The following FILIP1L variants were observed in gnomAD, a reference collection of about 807,000 sequenced individuals.
The protein encoded by FILIP1L is filamin A interacting protein 1 like, also known as filamin A-interacting protein 1-like.
FILIP1L carries 55 observed loss-of-function variants against 96.6 expected under a neutral mutation model. The observed-to-expected ratio is 0.57, with a 90% CI of 0.46 to 0.71. The LOEUF is 0.71. Ranked by LOEUF, FILIP1L falls within the 30% of genes least tolerant of loss-of-function variation. The pLI is 0.00. For missense variants in FILIP1L, 1,304 were observed against 1,321.2 expected, an observed-to-expected ratio of 0.99 and a Z score of 0.20; for synonymous variants, 467 against 473.9, an observed-to-expected ratio of 0.99 and a Z score of 0.19.
chr3:99,850,192 G>C lies in FILIP1L; in HGVS notation c.1484C>G (p.Thr495Arg). The change falls in exon 5 of 6, where the codon ACA (threonine) becomes AGA (arginine). Residue 495 changes from threonine to arginine, a missense_variant. Transcript: ENST00000477258. ...TLKEDLTKLK[T>R]LTVMFVDERK... ...TTCATCTACAAACATCACAGTTAAT[G>C]TTTTCAGTTTAGTTAAATCCTCTTT... is the stretch of plus-strand genomic sequence containing the variant. 1 of 1,612,234 alleles carries C rather than the reference G, an allele frequency of 6.2e-7. No individual in the cohort carries two copies. Among genetic ancestry groups the C allele is most frequent in the Non-Finnish European group, 8.5e-7 (1 of 1,179,800 alleles).
At position 99,849,024 on chromosome 3, in the gene FILIP1L, G is replaced by T; in HGVS notation, c.2652C>A (p.Ala884=). The T allele has an allele frequency of 6.2e-7, 1 of 1,614,094 alleles. No individual in the cohort carries two copies. Residue 884 remains alanine (A), a synonymous_variant, in exon 5 of 6, where the codon GCC becomes GCA. Transcript: ENST00000477258. ...QNGKMQTKPN[A]NFVQPGDLVL... is the part of the protein sequence containing the mutation. Reference sequence around the variant, plus strand: ...CTAGATCTCCAGGTTGCACAAAGTTGGCATTGGGTTTAGTTTGCATTTTTC... The same window carrying T: ...CTAGATCTCCAGGTTGCACAAAGTTTGCATTGGGTTTAGTTTGCATTTTTC...
At chr3:99,898,521 C>T (rs1706332187) in intron 4 of FILIP1L, 1 of 152,582 alleles carries the variant, frequency 6.6e-6, no homozygotes, top group Non-Finnish European at 1.5e-5. Flanking sequence ...TATCCCAGCA[C>T]TTTGGGAGGC....
Position 99,929,916 on chromosome 3 carries a change from A to G in FILIP1L, c.366T>C (p.Asp122=). 7 of 1,613,732 alleles carry G rather than the reference A, an allele frequency of 4.3e-6. No individual in the cohort carries two copies. Among genetic ancestry groups the G allele is most frequent in the South Asian group, 1.1e-5 (1 of 91,014 alleles). ...PKKVLEALQR[D]AFQAKSTPWQ... ...AAGGGGTAGATTTCGCTTGAAAAGC[A>G]TCTCTCTGGAGAGCCTCTAACACCT... The change falls in exon 3 of 6, where the codon GAT becomes GAC. Residue 122 remains aspartate, a synonymous_variant. Coordinates refer to ENST00000477258, the MANE Select transcript of FILIP1L (RefSeq NM_001387850.1).
chr3:99,938,797 G>C (rs1175993923), intron 1 of FILIP1L, among the ~76,000 whole-genome samples: 1 of 151,878 alleles, frequency 6.6e-6, no homozygotes, highest in Non-Finnish European at 1.5e-5. Flanking sequence ...CCAGATTAGG[G>C]GAAAAAATCC....
At chr3:100,070,394 A>G (rs1005660189) in intron 1 of FILIP1L, among the ~76,000 whole-genome samples, 5 of 152,200 alleles carry the variant, frequency 3.3e-5, no homozygotes, top group Non-Finnish European at 7.3e-5. Context: ...AGAAAATTTT[A>G]TACTAGTGCC....
At position 99,874,138 on chromosome 3, in the gene FILIP1L, AGT is replaced by A. The variant is rs1174038834; in HGVS notation, c.606-23070_606-23069del. 7 of 152,212 alleles carry A rather than the reference AGT, an allele frequency of 4.6e-5. No individual in the cohort carries two copies. The East Asian group carries it at 5.8e-4, about 13-fold the overall frequency. The allele number at this position is 152,212 out of a possible 1,614,324, so 9.4% of individuals were successfully genotyped here. On this transcript the variant is annotated intron_variant, in intron 4 of 5. Transcript: ENST00000477258. ...TGGGAAAAAGTGTGGAATATTAAAGAGTGTTATTTTTAAATTTTAAAAAATCG... is the reference window on the plus strand; with the variant it reads ...TGGGAAAAAGTGTGGAATATTAAAGAGTTATTTTTAAATTTTAAAAAATCG...
chr3:99,887,470 C>T (rs1407239312), intron 4 of FILIP1L, among the ~76,000 whole-genome samples: 3 of 152,150 alleles, frequency 2.0e-5, no homozygotes, highest in African/African-American at 7.2e-5. Context: ...TGGTGGCTAT[C>T]ACAGCCATGA....
At chr3:99,907,795 T>C (rs752996360) in intron 4 of FILIP1L, among the ~76,000 whole-genome samples, 1 of 152,208 alleles carries the variant, frequency 6.6e-6, no homozygotes, top group Non-Finnish European at 1.5e-5. Flanking sequence ...ACGCTAATGC[T>C]ATCTGGATCC....
At chr3:99,959,850 G>A (rs994165305) in intron 1 of FILIP1L, among the ~76,000 whole-genome samples, 1 of 152,140 alleles carries the variant, frequency 6.6e-6, no homozygotes, top group Non-Finnish European at 1.5e-5. Context: ...TATGAGCATG[G>A]TTCTTGACTG....
At position 99,848,508 on chromosome 3, in the gene FILIP1L, A is replaced by G. The variant is rs1559655219; in HGVS notation, c.3168T>C (p.Thr1056=). The part of the protein sequence containing the change: ...RSNSNSSSVI[T]TEDNKIHIHL... ...GAATGTGGATTTTATTATCCTCAGT[A>G]GTTATCACACTTGAGCTATTGCTGT... Residue 1056 remains threonine, a synonymous_variant, in exon 5 of 6, where the codon ACT becomes ACC. Coordinates refer to ENST00000477258, the MANE Select transcript of FILIP1L (RefSeq NM_001387850.1). 1.9e-6 allele frequency: 3 copies of G among 1,614,186 alleles called. No individual in the cohort carries two copies. Among genetic ancestry groups the G allele is most frequent in the Non-Finnish European group, 2.5e-6 (3 of 1,180,024 alleles).
At chr3:99,980,858 A>G (rs991462660) in intron 1 of FILIP1L, among the ~76,000 whole-genome samples, 1 of 152,172 alleles carries the variant, frequency 6.6e-6, no homozygotes, top group South Asian at 2.1e-4. Context: ...GGAGCCTTCT[A>G]GGCCAGTGCT....
chr3:99,967,691 C>T (rs1708695090), intron 1 of FILIP1L, among the ~76,000 whole-genome samples: 1 of 152,150 alleles, frequency 6.6e-6, no homozygotes, highest in Admixed American at 6.5e-5. Context: ...TGAAAGACAC[C>T]TGAGAAATCT....
At chr3:100,055,463 A>T (rs1370164475) in intron 1 of FILIP1L, among the ~76,000 whole-genome samples, 6 of 152,190 alleles carry the variant, frequency 3.9e-5, no homozygotes, top group Non-Finnish European at 4.4e-5. Context: ...GCTAGAAAAA[A>T]ACTGATTTGT....
chr3:99,964,383 C>A (rs548778738), intron 1 of FILIP1L: 80 of 149,608 alleles, frequency 5.3e-4, no homozygotes, highest in African/African-American at 1.8e-3. Flanking sequence ...TACCATATGC[C>A]TTGTACTGGG....
intron 1 of FILIP1L, among the ~76,000 whole-genome samples, chr3:100,035,073 G>A (rs2065083960): frequency 6.6e-6 from 1 of 152,052 alleles, no homozygotes; most frequent in Admixed American, 6.5e-5. Context: ...TTATTTTTTA[G>A]GGTTGATCTG....
At chr3:99,952,754 T>G (rs1159491172) in intron 1 of FILIP1L, among the ~76,000 whole-genome samples, 3 of 152,184 alleles carry the variant, frequency 2.0e-5, no homozygotes, top group Non-Finnish European at 4.4e-5. Flanking sequence ...ACAGAAACAG[T>G]TATTATTAAA....
At chr3:99,886,914 G>C (rs1188429954) in intron 4 of FILIP1L, among the ~76,000 whole-genome samples, 1 of 150,686 alleles carries the variant, frequency 6.6e-6, no homozygotes, top group Admixed American at 6.6e-5. Context: ...AGGTTGTAGT[G>C]AGCCAAGATC....
At chr3:100,053,692 T>G (rs1297965207) in intron 1 of FILIP1L, among the ~76,000 whole-genome samples, 1 of 152,196 alleles carries the variant, frequency 6.6e-6, no homozygotes, top group African/African-American at 2.4e-5. Flanking sequence ...TTCTCTCATT[T>G]CTCTGAGCAT....
At chr3:100,023,157 C>A (rs2064856046) in intron 1 of FILIP1L, among the ~76,000 whole-genome samples, 1 of 152,116 alleles carries the variant, frequency 6.6e-6, no homozygotes, top group Non-Finnish European at 1.5e-5. Flanking sequence ...ACCTTCTGGC[C>A]CAGACCAGGT....
Sources: allele counts gnomAD v4.1 joint callset (sites outside exome capture counted in the v4.1 genomes callset), GRCh38; gene constraint gnomAD v4.1.1; transcripts MANE v1.5; gene names NCBI Gene and HGNC (gene_info 2026-07-23, HGNC 2026-07-21).